Variants in EBF3 observed in about 807,000 individuals in gnomAD.
EBF3 encodes EBF transcription factor 3.
Under a neutral mutation model 77.1 loss-of-function variants are expected in EBF3, and 18 were observed. The observed-to-expected ratio is 0.23, with a 90% confidence interval of 0.16 to 0.35. The LOEUF (loss-of-function observed/expected upper bound fraction) is 0.35. Ranked by LOEUF, EBF3 falls within the 10% of genes least tolerant of loss-of-function variation. EBF3 has a pLI of 1.00. For missense variants in EBF3, 558 were observed against 860.0 expected, an observed-to-expected ratio of 0.65 and a Z score of 4.39; for synonymous variants, 350 against 343.5, an observed-to-expected ratio of 1.02 and a Z score of -0.21.
chr10:129,911,452 C>T (rs571350895), intron 6 of EBF3, among the ~76,000 whole-genome samples: 1 of 152,288 alleles, frequency 6.6e-6, no homozygotes, highest in East Asian at 1.9e-4. Flanking sequence ...CTGCCCCATT[C>T]GCCCTCCCCT....
intron 6 of EBF3, among the ~76,000 whole-genome samples, chr10:129,914,561 G>T (rs550169282): frequency 2.0e-5 from 3 of 152,308 alleles, no homozygotes; most frequent in African/African-American, 7.2e-5. Flanking sequence ...GCAGGGCTTG[G>T]AACGGGGCTG....
chr10:129,917,955 C>T (rs560231898), intron 6 of EBF3, among the ~76,000 whole-genome samples: 3 of 152,148 alleles, frequency 2.0e-5, no homozygotes, highest in African/African-American at 7.2e-5. Flanking sequence ...ACCAGAGGAC[C>T]CAGAATGGGG....
intron 11 of EBF3, among the ~76,000 whole-genome samples, chr10:129,847,520 C>T (rs1002875817): frequency 1.3e-5 from 2 of 152,182 alleles, no homozygotes; most frequent in East Asian, 1.9e-4. Flanking sequence ...CTAATGACAT[C>T]GCCTATGTTC....
chr10:129,929,607 G>A (rs1437100365), intron 6 of EBF3, among the ~76,000 whole-genome samples: 7 of 152,196 alleles, frequency 4.6e-5, no homozygotes. Flanking sequence ...ATTCAAATCA[G>A]TAATGCGTCT....
chr10:129,892,577 A>G (rs1854096922), intron 6 of EBF3, among the ~76,000 whole-genome samples: 1 of 152,214 alleles, frequency 6.6e-6, no homozygotes, highest in Non-Finnish European at 1.5e-5. Flanking sequence ...AATTAATGAT[A>G]ATCACCACTG....
intron 14 of EBF3, 50 bp downstream of exon 14, chr10:129,840,794 G>T: frequency 6.3e-7 from 1 of 1,577,478 alleles, no homozygotes. Context: ...ACTCGACTCG[G>T]TAGTGAATAT....
chr10:129,874,418 C>G (rs1852614480), intron 7 of EBF3, among the ~76,000 whole-genome samples: 1 of 152,150 alleles, frequency 6.6e-6, no homozygotes, highest in African/African-American at 2.4e-5. Flanking sequence ...CTTGCAGACT[C>G]CATAGACCTG....
At position 129,864,773 on chromosome 10, in the gene EBF3, G is replaced by A. The variant is rs576078958; in HGVS notation, c.1039+2368C>T. 2.0e-5 allele frequency among the ~76,000 whole-genome samples: 3 copies of A among 152,264 alleles called. No homozygotes were observed. Among genetic ancestry groups the A allele is most frequent in the Non-Finnish European group, 2.9e-5 (2 of 68,022 alleles). ...AGCCCACCCCTGCCATGTGCCCGCC[G>A]AAGCTCAGGTGCTGCTCCATGGCTC... On this transcript the variant is annotated intron_variant, in intron 10 of 16. Coordinates refer to ENST00000440978, the MANE Select transcript of EBF3 (RefSeq NM_001375380.1). This position sits in a 1 kb window ranked among gnomAD's most constrained non-coding sequence, Gnocchi z 4.4.
chr10:129,890,423 G>A (rs1303484350), intron 6 of EBF3, among the ~76,000 whole-genome samples: 2 of 152,196 alleles, frequency 1.3e-5, no homozygotes, highest in Non-Finnish European at 2.9e-5. Flanking sequence ...AGGGCAAATC[G>A]GCAAAGATGA....
At chr10:129,942,939 T>G (rs1212364573) in intron 6 of EBF3, among the ~76,000 whole-genome samples, 2 of 152,208 alleles carry the variant, frequency 1.3e-5, no homozygotes, top group Admixed American at 6.5e-5. Flanking sequence ...TTGACATTAA[T>G]TCAGCAGACC....
Position 129,885,736 on chromosome 10 carries a change from T to C in EBF3, c.555-7887A>G, listed in dbSNP as rs187659527. The stretch of plus-strand genomic sequence containing the variant: ...TCTCTCCCTCTGGACACTGTTCTAT[T>C]TGCCAGCTCTGATCACGAAGCTCCT... On this transcript the variant is annotated intron_variant, in intron 6 of 16. Coordinates refer to ENST00000440978, the MANE Select transcript of EBF3 (RefSeq NM_001375380.1). This position sits in a 1 kb window ranked among gnomAD's most constrained non-coding sequence, Gnocchi z 4.0. Among the ~76,000 whole-genome samples the C allele has an allele frequency of 1.3e-5, 2 of 152,312 alleles. No individual in the cohort carries two copies. Among genetic ancestry groups the C allele is most frequent in the Admixed American group, 1.3e-4 (2 of 15,304 alleles).
rs117102335 is a variant in EBF3 at position 129,860,296 on chromosome 10, C to A, written c.1039+6845G>T. Reference sequence around the variant, plus strand: ...GGACCATCGCAAGGTGGGTGAGGAGCGGGACCAGAGGACCCACCTACTCAG... The same window carrying A: ...GGACCATCGCAAGGTGGGTGAGGAGAGGGACCAGAGGACCCACCTACTCAG... On this transcript the variant is annotated intron_variant, in intron 10 of 16. Transcript: ENST00000440978. Among the ~76,000 whole-genome samples, 15 of 151,964 alleles carry A rather than the reference C, an allele frequency of 9.9e-5. No individual in the cohort carries two copies. The South Asian group carries it at 1.9e-3, about 19-fold the overall frequency.
intron 6 of EBF3, among the ~76,000 whole-genome samples, chr10:129,908,115 C>T (rs961980097): frequency 1.3e-5 from 2 of 152,094 alleles, no homozygotes; most frequent in Non-Finnish European, 2.9e-5. Flanking sequence ...AGGCTCATCC[C>T]GTCTTGCTTA....
chr10:129,960,737 A>G (rs926230797), intron 4 of EBF3, among the ~76,000 whole-genome samples: 1 of 152,078 alleles, frequency 6.6e-6, no homozygotes, highest in Non-Finnish European at 1.5e-5. Flanking sequence ...AATGAACAAT[A>G]AAAGTGTACT....
rs1325545863 is a variant in EBF3 at position 129,947,820 on chromosome 10, C to T, written c.554+9438G>A. ...AGTGAAGGATTTCACTTCTAAAACA[C>T]CAAGACACTGAAAGGAAGGAAGCAG... On this transcript the variant is annotated intron_variant, in intron 6 of 16. Coordinates refer to ENST00000440978, the MANE Select transcript of EBF3 (RefSeq NM_001375380.1). The surrounding 1 kb of genome is among the most constrained non-coding windows in gnomAD (Gnocchi z 4.5). 1.3e-5 allele frequency among the ~76,000 whole-genome samples: 2 copies of T among 151,724 alleles called. No individual in the cohort carries two copies. Among genetic ancestry groups the T allele is most frequent in the Non-Finnish European group, 2.9e-5 (2 of 67,954 alleles).
rs148760152 is a variant in EBF3, at chr10:129,927,496, G to A, written c.554+29762C>T. ...GTGGTTCCATCTACTAAGCCAACAC[G>A]TGGCCCCACCAGAGAGACTCCAACA... On this transcript the variant is annotated intron_variant, in intron 6 of 16. Transcript: ENST00000440978. Among the ~76,000 whole-genome samples, 527 of 152,218 alleles carry A rather than the reference G, an allele frequency of 3.5e-3. 4 individuals carry two copies. The highest frequency in any genetic ancestry group is 0.012 in the African/African-American group (496 of 41,542).
At position 129,879,169 on chromosome 10, in the gene EBF3, C is replaced by A. The variant is rs1165165508; in HGVS notation, c.555-1320G>T. ...CCTGGGAAGCCAGGCTCTACCACTA[C>A]CCACAGGAAAAGTGGGTGGGGGGGT... On this transcript the variant is annotated intron_variant, in intron 6 of 16. Transcript: ENST00000440978. This position sits in a 1 kb window ranked among gnomAD's most constrained non-coding sequence, Gnocchi z 4.7. Among the ~76,000 whole-genome samples the A allele has an allele frequency of 6.6e-6, 1 of 152,136 alleles. No homozygotes were observed. Among genetic ancestry groups the A allele is most frequent in the East Asian group, 1.9e-4 (1 of 5,188 alleles).
At chr10:129,873,285 G>C (rs7898219) in intron 8 of EBF3, among the ~76,000 whole-genome samples, 167 bp downstream of exon 8, 3,576 of 152,360 alleles carry the variant, frequency 0.023, 124 homozygotes, top group African/African-American at 0.082. Flanking sequence ...GCCTAGGAGG[G>C]CTGTCTCCCC....
chr10:129,905,188 G>T (rs1184780508), intron 6 of EBF3, among the ~76,000 whole-genome samples: 1 of 152,184 alleles, frequency 6.6e-6, no homozygotes, highest in Admixed American at 6.5e-5. Flanking sequence ...GACCTTGATG[G>T]CACCAGAAGG....
Sources: allele counts gnomAD v4.1 joint callset (sites outside exome capture counted in the v4.1 genomes callset), GRCh38; gene constraint gnomAD v4.1.1; non-coding constraint Gnocchi (gnomAD v3.1); transcripts MANE v1.5; gene names NCBI Gene and HGNC (gene_info 2026-07-23, HGNC 2026-07-21).